LY9: variants seen among roughly 807,000 people sequenced by gnomAD.
The protein encoded by LY9 is lymphocyte antigen 9.
Under a neutral mutation model 64.6 loss-of-function variants are expected in LY9, and 59 were observed. That is an observed-to-expected ratio of 0.91 (90% CI 0.74 to 1.13). The LOEUF is 1.13. LY9 is among the 50% of genes most tolerant of loss of function. The probability of loss-of-function intolerance (pLI) is 0.00; values close to 1 mark genes in which losing one functional copy is unlikely to be tolerated. For synonymous variants in LY9, 281 were observed against 308.5 expected (o/e 0.91, Z 0.93); for missense variants, 789 against 797.2 (o/e 0.99, Z 0.12).
chr1:160,801,969 G>A (rs370729083), intron 2 of LY9: 5 of 1,598,194 alleles, frequency 3.1e-6, no homozygotes, highest in Middle Eastern at 1.7e-4. Flanking sequence ...CCACCTCACC[G>A]CCGCGCAGCA....
At chr1:160,796,395 T>C in intron 1 of LY9, 84 bp downstream of exon 1, 2 of 1,482,056 alleles carry the variant, frequency 1.3e-6, no homozygotes, top group South Asian at 2.7e-5. Flanking sequence ...GATTCTTTTT[T>C]TTGTTTTTTG....
intron 7 of LY9, among the ~76,000 whole-genome samples, chr1:160,821,339 G>C (rs904424148): frequency 1.3e-5 from 2 of 152,068 alleles, no homozygotes; most frequent in Admixed American, 6.6e-5. Context: ...TGTGGGGAGG[G>C]TGTTCCTTTA....
intron 2 of LY9, chr1:160,811,293 T>A (rs1251104010): frequency 6.6e-6 from 1 of 152,264 alleles, no homozygotes; most frequent in Non-Finnish European, 1.5e-5. Flanking sequence ...CCTTCATTTG[T>A]CCTGTCTCTG....
Position 160,823,719 on chromosome 1 carries a change from C to G in LY9, c.1753C>G (p.Pro585Ala), listed in dbSNP as rs756529570. 1.2e-6 allele frequency: 2 copies of G among 1,614,174 alleles called. No individual in the cohort carries two copies. The highest frequency in any genetic ancestry group is 2.2e-5 in the South Asian group (2 of 91,074). The change falls in exon 8 of 10, where the codon CCC becomes GCC. Residue 585 changes from proline (P) to alanine (A), a missense_variant. Coordinates refer to ENST00000263285, the MANE Select transcript of LY9 (RefSeq NM_002348.4). ...CCCTGAGGGCCAAGCAGACTATGAT[C>G]CCGTCACTCCATATGTCACGGAAGT... ...PAPEGQADYD[P>A]VTPYVTEVES...
intron 5 of LY9, 60 bp downstream of exon 5, chr1:160,816,923 T>C: frequency 1.3e-6 from 2 of 1,555,668 alleles, no homozygotes; most frequent in Non-Finnish European, 1.8e-6. Flanking sequence ...AGAGTTTGCA[T>C]CCTGACTGAT....
Position 160,823,536 on chromosome 1 carries a change from C to G in LY9, c.1570C>G (p.Pro524Ala), listed in dbSNP as rs760243339. 1.9e-6 allele frequency: 3 copies of G among 1,614,082 alleles called. No homozygotes were observed. The highest frequency in any genetic ancestry group is 1.7e-5 in the Admixed American group (1 of 59,998). ...GYEKLDTPLRPARQQPTPTSD... is the reference protein window; with the variant it reads ...GYEKLDTPLRAARQQPTPTSD... Reference sequence around the variant, plus strand: ...TGAGAAGCTGGACACTCCCCTCAGGCCTGCCAGGCAACAGCCTACACCCAC... The same window carrying G: ...TGAGAAGCTGGACACTCCCCTCAGGGCTGCCAGGCAACAGCCTACACCCAC... The change falls in exon 8 of 10, where the codon CCT (proline) becomes GCT (alanine). Residue 524 changes from proline (P) to alanine (A), a missense_variant. Transcript: ENST00000263285.
Position 160,823,582 on chromosome 1 carries a change from G to A in LY9, c.1616G>A (p.Ser539Asn), listed in dbSNP as rs1214000601. 1 of 1,613,996 alleles carries A rather than the reference G, an allele frequency of 6.2e-7. No homozygotes were observed. The highest frequency in any genetic ancestry group is 8.5e-7 in the Non-Finnish European group (1 of 1,179,960). Residue 539 changes from serine (S) to asparagine (N), a missense_variant, in exon 8 of 10, where the codon AGC becomes AAC. Transcript: ENST00000263285. ...PTPTSDSSSDSNLTTEEDEDR... is the reference protein window; with the variant it reads ...PTPTSDSSSDNNLTTEEDEDR... The stretch of plus-strand genomic sequence containing the variant: ...CCCACCTCAGACAGCAGCTCTGACA[G>A]CAACCTCACAACTGAGGAGGATGAG...
intron 7 of LY9, 40 bp downstream of exon 7, chr1:160,819,414 C>CAA (rs746830729): frequency 7.2e-6 from 11 of 1,527,814 alleles, no homozygotes; most frequent in Non-Finnish European, 1.0e-5. Flanking sequence ...GTATCTGGTC[C>CAA]AAATGGAAGT....
intron 7 of LY9, among the ~76,000 whole-genome samples, chr1:160,823,039 T>G (rs559453235): frequency 1.3e-5 from 2 of 152,302 alleles, no homozygotes; most frequent in East Asian, 3.9e-4. Context: ...CTCTCAACTC[T>G]GCACTTTCCT....
At chr1:160,802,759 G>A (rs897812381) in intron 2 of LY9, 15 of 795,606 alleles carry the variant, frequency 1.9e-5, no homozygotes, top group Non-Finnish European at 2.1e-5. Context: ...GTAAGTTTTT[G>A]TTGGATTTGT....
At position 160,823,629 on chromosome 1, in the gene LY9, C is replaced by T; in HGVS notation, c.1663C>T (p.Pro555Ser). 2 of 1,614,148 alleles carry T rather than the reference C, an allele frequency of 1.2e-6. No individual in the cohort carries two copies. Among genetic ancestry groups the T allele is most frequent in the Non-Finnish European group, 1.7e-6 (2 of 1,180,010 alleles). Residue 555 changes from proline to serine, a missense_variant, in exon 8 of 10, where the codon CCC (proline) becomes TCC (serine). Transcript: ENST00000263285. ...TGAGGACAGGCCTGAGGTGCACAAG[C>T]CCATCAGTGGAAGATATGAGGTATT... is the stretch of plus-strand genomic sequence containing the variant. ...EDEDRPEVHK[P>S]ISGRYEVFDQ...
At chr1:160,816,913 A>G in intron 5 of LY9, 50 bp downstream of exon 5, 3 of 1,589,942 alleles carry the variant, frequency 1.9e-6, no homozygotes, top group Non-Finnish European at 8.6e-7. Context: ...GGGGCCTCCA[A>G]GAGTTTGCAT....
rs780590513 is a variant in LY9, at chr1:160,814,504, C to G, written c.815C>G (p.Pro272Arg). ...GEPVTLPLALPACRDTEKVVW... is the reference protein window; with the variant it reads ...GEPVTLPLALRACRDTEKVVW... Reference sequence around the variant, plus strand: ...CCAGTCACCCTGCCACTTGCACTCCCAGCCTGCCGGGACACAGAGAAGGTT... The same window carrying G: ...CCAGTCACCCTGCCACTTGCACTCCGAGCCTGCCGGGACACAGAGAAGGTT... The change falls in exon 4 of 10, where the codon CCA becomes CGA. Residue 272 changes from proline (P) to arginine (R), a missense_variant. Physicochemically the swap from Pro to Arg is moderately radical, Grantham distance 103 (BLOSUM62 -2). Transcript: ENST00000263285. 1 of 1,614,140 alleles carries G rather than the reference C, an allele frequency of 6.2e-7. No individual in the cohort carries two copies. Among genetic ancestry groups the G allele is most frequent in the East Asian group, 2.2e-5 (1 of 44,876 alleles).
At chr1:160,827,596 G>A in intron 9 of LY9, 152 bp from the exon 10 acceptor site, 1 of 551,718 alleles carries the variant, frequency 1.8e-6, no homozygotes, top group Non-Finnish European at 3.2e-6. Context: ...CTTGGCATCA[G>A]GCTGGTTGAT....
chr1:160,815,683 G>A (rs1667894401), intron 4 of LY9, among the ~76,000 whole-genome samples: 1 of 152,210 alleles, frequency 6.6e-6, no homozygotes, highest in Admixed American at 6.5e-5. Flanking sequence ...ATGGCACCTG[G>A]CCCCAACCTG....
chr1:160,800,317 A>C, intron 2 of LY9: 2 of 434,990 alleles, frequency 4.6e-6, no homozygotes, highest in South Asian at 3.2e-5. Flanking sequence ...CCTTTAACCC[A>C]CTTCTCTTCA....
Position 160,799,832 on chromosome 1 carries a change from C to T in LY9, c.204C>T (p.Asn68=), listed in dbSNP as rs1303627579. The T allele has an allele frequency of 1.2e-6, 2 of 1,613,748 alleles. No individual in the cohort carries two copies. Among genetic ancestry groups the T allele is most frequent in the Non-Finnish European group, 1.7e-6 (2 of 1,179,740 alleles). Residue 68 remains asparagine, a synonymous_variant, in exon 2 of 10, where the codon AAC becomes AAT. Coordinates refer to ENST00000263285, the MANE Select transcript of LY9 (RefSeq NM_002348.4). ...GGGGTTCCGTGACTCTCCCCCTAAA[C>T]ATCTCAGTAGACACAGAGATTGAGA... ...ILGGSVTLPL[N]ISVDTEIENV...
chr1:160,800,234 C>T (rs776131548), intron 2 of LY9, 152 bp downstream of exon 2: 2 of 617,366 alleles, frequency 3.2e-6, no homozygotes, highest in Non-Finnish European at 5.7e-6. Flanking sequence ...CAATATATTC[C>T]TGTTAAGTAT....
Position 160,796,266 on chromosome 1 carries a change from A to T in LY9, c.79A>T (p.Ile27Leu). 1.9e-6 allele frequency: 3 copies of T among 1,613,864 alleles called. No homozygotes were observed. The highest frequency in any genetic ancestry group is 2.5e-6 in the Non-Finnish European group (3 of 1,179,970). The change falls in exon 1 of 10, where the codon ATA becomes TTA. Residue 27 changes from isoleucine to leucine, a missense_variant. Coordinates refer to ENST00000263285, the MANE Select transcript of LY9 (RefSeq NM_002348.4). ...SSKPQRSQLQIFSSVLQTSLL... is the reference protein window; with the variant it reads ...SSKPQRSQLQLFSSVLQTSLL... ...TAAGCCACAGAGGAGTCAGCTGCAA[A>T]TATTCTCTTCTGTTCTACAGACCTC...
Sources: gnomAD v4.1 joint callset for allele counts (sites outside exome capture counted in the v4.1 genomes callset) on GRCh38, gnomAD v4.1.1 for gene constraint, MANE v1.5 for transcripts, NCBI Gene and HGNC (gene_info 2026-07-23, HGNC 2026-07-21) for gene names.